Variants in LDLRAD4 observed in about 807,000 individuals in gnomAD.
The protein encoded by LDLRAD4 is low-density lipoprotein receptor class A domain-containing protein 4.
LDLRAD4 carries 5 observed loss-of-function variants against 17.0 expected under a neutral mutation model. The observed-to-expected ratio is 0.29, with a 90% CI of 0.15 to 0.62. The LOEUF (loss-of-function observed/expected upper bound fraction) is 0.62, where lower values mean the gene tolerates loss of function less well. LDLRAD4 is among the 20% of genes least tolerant of loss of function. LDLRAD4 has a pLI of 0.84. For missense variants in LDLRAD4, 340 were observed against 424.7 expected (o/e 0.80, Z 1.75); for synonymous variants, 168 against 171.8 (o/e 0.98, Z 0.17).
chr18:13,225,982 C>T (rs764539804), intron 1 of LDLRAD4, among the ~76,000 whole-genome samples: 20 of 151,846 alleles, frequency 1.3e-4, no homozygotes, highest in Non-Finnish European at 2.4e-4. Context: ...TTGCATTGAA[C>T]GTCTTTAAAC....
intron 1 of LDLRAD4, among the ~76,000 whole-genome samples, chr18:13,280,264 C>T (rs566887660): frequency 5.3e-5 from 8 of 152,336 alleles, no homozygotes; most frequent in African/African-American, 7.2e-5. Flanking sequence ...TGAGTTCTGG[C>T]GTGGTAACTT....
intron 1 of LDLRAD4, among the ~76,000 whole-genome samples, chr18:13,344,808 G>A (rs983281092): frequency 2.0e-5 from 3 of 152,142 alleles, no homozygotes; most frequent in African/African-American, 7.2e-5. Context: ...TCCCTTTTAA[G>A]TTGGATTCCT....
intron 3 of LDLRAD4, among the ~76,000 whole-genome samples, chr18:13,502,659 C>G (rs2093630966): frequency 6.6e-6 from 1 of 152,184 alleles, no homozygotes; most frequent in Non-Finnish European, 1.5e-5. Context: ...CACCCACTCT[C>G]AGCTAGCTTG....
intron 3 of LDLRAD4, among the ~76,000 whole-genome samples, chr18:13,581,003 G>A (rs1379016935): frequency 6.6e-6 from 1 of 152,212 alleles, no homozygotes; most frequent in Non-Finnish European, 1.5e-5. Context: ...GGGACCAGAA[G>A]TGTTTTGGAT....
intron 1 of LDLRAD4, among the ~76,000 whole-genome samples, chr18:13,301,560 A>T (rs112242886): frequency 1.3e-5 from 2 of 152,126 alleles, no homozygotes; most frequent in African/African-American, 4.8e-5. Context: ...TCTTCAGCTG[A>T]ACTTGCACGT....
chr18:13,472,651 A>G (rs534175574), intron 3 of LDLRAD4: 3 of 152,192 alleles, frequency 2.0e-5, no homozygotes, highest in Non-Finnish European at 4.4e-5. Context: ...ACTTGGCCTT[A>G]ATGTTGGCAG....
chr18:13,591,876 GTTAGGGCAT>G (rs2095034453), intron 3 of LDLRAD4, among the ~76,000 whole-genome samples: 1 of 152,166 alleles, frequency 6.6e-6, no homozygotes, highest in Admixed American at 6.5e-5. Context: ...TTATAACATC[GTTAGGGCAT>G]TTGGGGGTAA....
chr18:13,610,759 G>A (rs2039475746), intron 3 of LDLRAD4, among the ~76,000 whole-genome samples: 1 of 152,122 alleles, frequency 6.6e-6, no homozygotes, highest in African/African-American at 2.4e-5. Context: ...AGCCAGGGAG[G>A]GGCGGCTTGA....
At chr18:13,446,957 G>A (rs994763853) in intron 3 of LDLRAD4, among the ~76,000 whole-genome samples, 7 of 152,216 alleles carry the variant, frequency 4.6e-5, no homozygotes, top group African/African-American at 7.2e-5. Context: ...CTGACTGCAG[G>A]GGGTGTGGGT....
chr18:13,254,891 G>A (rs1036845579), intron 1 of LDLRAD4, among the ~76,000 whole-genome samples: 4 of 152,186 alleles, frequency 2.6e-5, no homozygotes, highest in African/African-American at 9.7e-5. Flanking sequence ...TTGAGCCCAG[G>A]AGGCAGAGGT....
chr18:13,334,890 A>G (rs1327667471), intron 1 of LDLRAD4, among the ~76,000 whole-genome samples: 2 of 152,210 alleles, frequency 1.3e-5, no homozygotes, highest in Non-Finnish European at 2.9e-5. Context: ...TTTTCTGAGA[A>G]TGGGTTGAAT....
intron 3 of LDLRAD4, among the ~76,000 whole-genome samples, chr18:13,446,046 T>A (rs550963162): frequency 6.6e-6 from 1 of 152,180 alleles, no homozygotes; most frequent in Non-Finnish European, 1.5e-5. Flanking sequence ...TGGCCCACAG[T>A]ACATGCTCAG....
intron 1 of LDLRAD4, among the ~76,000 whole-genome samples, chr18:13,227,445 C>T (rs1426923487): frequency 6.6e-6 from 1 of 152,196 alleles, no homozygotes; most frequent in African/African-American, 2.4e-5. Context: ...GGGAGACCCT[C>T]ATGTACTGTG....
intron 1 of LDLRAD4, among the ~76,000 whole-genome samples, chr18:13,248,896 C>T (rs1459818061): frequency 6.6e-6 from 1 of 152,178 alleles, no homozygotes; most frequent in African/African-American, 2.4e-5. Flanking sequence ...CTCTCCCTAT[C>T]CCCCTTTCCC....
At chr18:13,583,843 G>A (rs2148471220) in intron 3 of LDLRAD4, among the ~76,000 whole-genome samples, 1 of 152,260 alleles carries the variant, frequency 6.6e-6, no homozygotes, top group East Asian at 1.9e-4. Context: ...GGCATGGCAG[G>A]GCTTAATGAA....
intron 3 of LDLRAD4, among the ~76,000 whole-genome samples, chr18:13,504,909 C>G (rs1440060035): frequency 6.6e-6 from 1 of 152,136 alleles, no homozygotes; most frequent in Non-Finnish European, 1.5e-5. Context: ...AGAAGCTTCA[C>G]CTTCCCACTA....
chr18:13,533,747 G>C (rs948866715), intron 3 of LDLRAD4, among the ~76,000 whole-genome samples: 5 of 152,122 alleles, frequency 3.3e-5, no homozygotes, highest in Non-Finnish European at 7.4e-5. Flanking sequence ...TTTTTGAATT[G>C]AGTTTAATGG....
At chr18:13,382,190 A>G (rs2085421192) in intron 1 of LDLRAD4, among the ~76,000 whole-genome samples, 1 of 152,212 alleles carries the variant, frequency 6.6e-6, no homozygotes, top group South Asian at 2.1e-4. Context: ...TTGATTTTGG[A>G]AAAAAGGCTG....
intron 3 of LDLRAD4, among the ~76,000 whole-genome samples, chr18:13,495,430 A>C (rs2093448503): frequency 6.6e-6 from 1 of 152,226 alleles, no homozygotes; most frequent in Admixed American, 6.5e-5. Flanking sequence ...CCTTCAGTCA[A>C]CAAATGTTTT....
Sources: gnomAD v4.1 joint callset for allele counts (sites outside exome capture counted in the v4.1 genomes callset) on GRCh38, gnomAD v4.1.1 for gene constraint, MANE v1.5 for transcripts, NCBI Gene and HGNC (gene_info 2026-07-23, HGNC 2026-07-21) for gene names.